DCC: variants seen among roughly 807,000 people sequenced by gnomAD.
DCC encodes the protein netrin receptor DCC.
In DCC, 58 loss-of-function variants were observed where a neutral mutation model predicts 172.5. The ratio of observed to expected loss-of-function variants is 0.34; its 90% CI spans 0.27 to 0.42. DCC has a LOEUF of 0.42. Among genes scored for constraint, DCC ranks in the 10% least tolerant of loss-of-function variants. The pLI is 1.00. For synonymous variants in DCC, 709 were observed against 644.5 expected (o/e 1.10, Z -1.52); for missense variants, 1,740 against 1,791.0 (o/e 0.97, Z 0.51).
intron 2 of DCC, among the ~76,000 whole-genome samples, chr18:52,762,497 T>A (rs1451250578): frequency 6.6e-6 from 1 of 151,296 alleles, no homozygotes; most frequent in African/African-American, 2.4e-5. Flanking sequence ...AAACATTTTT[T>A]AAACAAAAAT....
At chr18:53,079,918 G>A (rs779611380) in intron 7 of DCC, among the ~76,000 whole-genome samples, 11 of 152,152 alleles carry the variant, frequency 7.2e-5, no homozygotes, top group Non-Finnish European at 1.2e-4. Flanking sequence ...GGATCACAGA[G>A]TATCTTTTAG....
intron 1 of DCC, among the ~76,000 whole-genome samples, chr18:52,448,645 A>G (rs1988204241): frequency 6.6e-6 from 1 of 152,162 alleles, no homozygotes; most frequent in African/African-American, 2.4e-5. Context: ...AACACATTTT[A>G]TTAGAGATTT....
At chr18:52,904,186 T>C (rs745795956) in intron 2 of DCC, among the ~76,000 whole-genome samples, 15 of 152,218 alleles carry the variant, frequency 9.9e-5, no homozygotes, top group Non-Finnish European at 1.6e-4. Flanking sequence ...TGCATCAATA[T>C]TAAGGTTTTT....
intron 7 of DCC, among the ~76,000 whole-genome samples, chr18:53,092,607 A>T (rs914531496): frequency 2.0e-5 from 3 of 152,228 alleles, no homozygotes; most frequent in Non-Finnish European, 2.9e-5. Flanking sequence ...CTGTTCTATG[A>T]GCCTGTTAGA....
chr18:53,116,424 C>T (rs981450294), intron 7 of DCC, among the ~76,000 whole-genome samples: 6 of 151,708 alleles, frequency 4.0e-5, no homozygotes, highest in Admixed American at 4.0e-4. Flanking sequence ...GAGGATATTT[C>T]CTGTCATAGC....
intron 12 of DCC, among the ~76,000 whole-genome samples, chr18:53,294,322 G>A (rs901174890): frequency 2.0e-5 from 3 of 152,164 alleles, no homozygotes; most frequent in African/African-American, 4.8e-5. Flanking sequence ...AGTGGCAGGA[G>A]GGCTGTGCCC....
chr18:52,805,869 G>A (rs888747928), intron 2 of DCC, among the ~76,000 whole-genome samples: 2 of 152,122 alleles, frequency 1.3e-5, no homozygotes, highest in Non-Finnish European at 2.9e-5. Flanking sequence ...CTGACATGTG[G>A]ATTTTGTGTT....
intron 5 of DCC, among the ~76,000 whole-genome samples, chr18:52,941,334 G>A (rs1390582127): frequency 2.0e-5 from 3 of 152,098 alleles, no homozygotes; most frequent in Admixed American, 2.0e-4. Context: ...AAGGGAAGCT[G>A]TAGATTATTA....
chr18:53,429,025 T>TATATAATATATATTTTATATATA (rs1911381824), intron 21 of DCC, among the ~76,000 whole-genome samples: 3 of 60,532 alleles, frequency 5.0e-5, no homozygotes, highest in Non-Finnish European at 1.1e-4. Context: ...ATATATTTTT[T>TATATAATATATATTTTATATATA]ATATAATATA....
intron 15 of DCC, among the ~76,000 whole-genome samples, chr18:53,362,741 T>C (rs1465902089): frequency 6.6e-6 from 1 of 152,164 alleles, no homozygotes; most frequent in East Asian, 1.9e-4. Context: ...TTATATTTTA[T>C]TATTAGACAT....
Position 53,370,588 on chromosome 18 carries a change from A to G in DCC, c.2360-15455A>G, listed in dbSNP as rs566568180. Among the ~76,000 whole-genome samples the G allele has an allele frequency of 3.3e-5, 5 of 151,476 alleles. No homozygotes were observed. The East Asian group carries it at 7.7e-4, about 23-fold the overall frequency. ...TTTGGTACACTGTCTTTTTATTTTC[A>G]CTTGGTTCCATGTATTTTCTAATTT... On this transcript the variant is annotated intron_variant, in intron 15 of 28. Coordinates refer to ENST00000442544, the MANE Select transcript of DCC (RefSeq NM_005215.4).
chr18:53,258,884 T>G (rs558819971), intron 12 of DCC, among the ~76,000 whole-genome samples: 174 of 152,330 alleles, frequency 1.1e-3, no homozygotes, highest in African/African-American at 3.8e-3. Flanking sequence ...TTTATGAATC[T>G]GGGTGCTCCT....
intron 5 of DCC, among the ~76,000 whole-genome samples, chr18:53,019,326 A>G (rs542888550): frequency 3.3e-5 from 5 of 152,290 alleles, no homozygotes; most frequent in African/African-American, 1.2e-4. Flanking sequence ...TTATTTTTAC[A>G]GAAGACATTG....
intron 1 of DCC, among the ~76,000 whole-genome samples, chr18:52,636,506 G>C (rs2034783424): frequency 6.6e-6 from 1 of 152,142 alleles, no homozygotes; most frequent in African/African-American, 2.4e-5. Context: ...CACAGTGGAA[G>C]TGAGACCAGC....
chr18:52,586,353 G>T (rs2033673390), intron 1 of DCC, among the ~76,000 whole-genome samples: 1 of 151,942 alleles, frequency 6.6e-6, no homozygotes, highest in Admixed American at 6.6e-5. Flanking sequence ...TCATATAGTT[G>T]CCCCTGTATT....
At chr18:53,337,680 G>T (rs77067224) in intron 14 of DCC, among the ~76,000 whole-genome samples, 2,441 of 152,252 alleles carry the variant, frequency 0.016, 73 homozygotes, top group African/African-American at 0.056. Flanking sequence ...AAATTCTGTC[G>T]ATGTGGCAAC....
intron 1 of DCC, among the ~76,000 whole-genome samples, chr18:52,595,220 T>C (rs1197861824): frequency 6.6e-6 from 1 of 152,222 alleles, no homozygotes; most frequent in East Asian, 1.9e-4. Flanking sequence ...AACAAGTCTT[T>C]GCTAAAAAGA....
chr18:52,637,259 C>T (rs925568784), intron 1 of DCC, among the ~76,000 whole-genome samples: 1 of 152,062 alleles, frequency 6.6e-6, no homozygotes, highest in Admixed American at 6.5e-5. Context: ...CAAAACAAGG[C>T]TCTTCTACAC....
At chr18:53,478,395 T>G (rs2045792367) in intron 25 of DCC, among the ~76,000 whole-genome samples, 1 of 152,214 alleles carries the variant, frequency 6.6e-6, no homozygotes, top group South Asian at 2.1e-4. Context: ...CAACCCATTT[T>G]CTTCTTTTGT....
Sources: allele counts gnomAD v4.1 joint callset (sites outside exome capture counted in the v4.1 genomes callset), GRCh38; gene constraint gnomAD v4.1.1; transcripts MANE v1.5; gene names NCBI Gene and HGNC (gene_info 2026-07-23, HGNC 2026-07-21).